Variants in CTNND2 observed in about 807,000 individuals in gnomAD.
CTNND2 encodes the protein catenin delta 2, also known as catenin delta-2.
In CTNND2, 22 loss-of-function variants were observed where a neutral mutation model predicts 144.4. That is an observed-to-expected ratio of 0.15 (90% confidence interval 0.11 to 0.22). CTNND2 has a LOEUF of 0.22. Among genes scored for constraint, CTNND2 ranks in the 10% least tolerant of loss-of-function variants. The pLI is 1.00. For missense variants in CTNND2, 1,353 were observed against 1,618.8 expected, an observed-to-expected ratio of 0.84 and a Z score of 2.82; for synonymous variants, 751 against 695.6, an observed-to-expected ratio of 1.08 and a Z score of -1.25.
chr5:11,520,252 C>T (rs1046216591), intron 3 of CTNND2, among the ~76,000 whole-genome samples: 1 of 152,102 alleles, frequency 6.6e-6, no homozygotes, highest in African/African-American at 2.4e-5. Flanking sequence ...CTGCATGCTG[C>T]ACCCCTCAGT....
chr5:11,821,502 C>A (rs987392036), intron 1 of CTNND2, among the ~76,000 whole-genome samples: 6 of 151,674 alleles, frequency 4.0e-5, no homozygotes, highest in Non-Finnish European at 8.8e-5. Flanking sequence ...AAATTTATTT[C>A]AAATCCTTCA....
chr5:11,588,689 G>T, intron 2 of CTNND2: 2 of 843,338 alleles, frequency 2.4e-6, no homozygotes, highest in Non-Finnish European at 2.9e-6. Context: ...CATAATGAAA[G>T]CATTGAAAAA....
Position 11,032,060 on chromosome 5 carries a change from C to T in CTNND2, c.2789-9081G>A, listed in dbSNP as rs1743534626. ...ACTTCCTTTCATATATACATATATC[C>T]TATTAGTTCTGTCCCTCTGGAGAAT... On this transcript the variant is annotated intron_variant, in intron 16 of 21. Coordinates refer to ENST00000304623, the MANE Select transcript of CTNND2 (RefSeq NM_001332.4). Among the ~76,000 whole-genome samples the T allele has an allele frequency of 2.0e-5, 3 of 152,204 alleles. No homozygotes were observed. The South Asian group carries it at 6.2e-4, about 31-fold the overall frequency.
chr5:11,557,508 C>G (rs191399812), intron 3 of CTNND2, among the ~76,000 whole-genome samples: 3 of 152,254 alleles, frequency 2.0e-5, no homozygotes, highest in East Asian at 1.9e-4. Flanking sequence ...GCCCACAAAG[C>G]CCCTCCGTCT....
At chr5:11,859,507 C>A (rs1215046174) in intron 1 of CTNND2, among the ~76,000 whole-genome samples, 4 of 151,832 alleles carry the variant, frequency 2.6e-5, no homozygotes, top group African/African-American at 9.7e-5. Flanking sequence ...TCATCTGGAC[C>A]CCCTATATGT....
intron 3 of CTNND2, among the ~76,000 whole-genome samples, chr5:11,483,259 T>C (rs1448249322): frequency 2.6e-5 from 4 of 152,138 alleles, no homozygotes; most frequent in Non-Finnish European, 5.9e-5. Context: ...GTTGAGCACC[T>C]GGAAGCATGG....
chr5:11,050,485 C>T (rs547051000), intron 16 of CTNND2, among the ~76,000 whole-genome samples: 3 of 152,280 alleles, frequency 2.0e-5, no homozygotes, highest in African/African-American at 7.2e-5. Flanking sequence ...AGTTTCATGA[C>T]AATTAACTAA....
At chr5:11,727,744 T>C (rs564220730) in intron 2 of CTNND2, among the ~76,000 whole-genome samples, 5 of 152,356 alleles carry the variant, frequency 3.3e-5, no homozygotes, top group Non-Finnish European at 7.3e-5. Context: ...TTCTGCTTTT[T>C]CTTGGATGAT....
chr5:11,457,578 C>T (rs1168401566), intron 3 of CTNND2, among the ~76,000 whole-genome samples: 1 of 152,136 alleles, frequency 6.6e-6, no homozygotes, highest in African/African-American at 2.4e-5. Flanking sequence ...TTTTCTACTT[C>T]ATCTTCTTAA....
chr5:11,403,176 T>C (rs763433037), intron 5 of CTNND2, among the ~76,000 whole-genome samples: 6 of 152,156 alleles, frequency 3.9e-5, no homozygotes, highest in Non-Finnish European at 7.4e-5. Flanking sequence ...ATGCATTAGA[T>C]ATATGTCCTG....
intron 2 of CTNND2, among the ~76,000 whole-genome samples, chr5:11,667,149 C>T (rs1783612375): frequency 6.6e-6 from 1 of 152,164 alleles, no homozygotes; most frequent in South Asian, 2.1e-4. Flanking sequence ...GCCACATTTT[C>T]TTTGTCCAGT....
chr5:11,121,382 G>A (rs1476793269), intron 12 of CTNND2, among the ~76,000 whole-genome samples: 2 of 152,042 alleles, frequency 1.3e-5, no homozygotes, highest in Non-Finnish European at 2.9e-5. Flanking sequence ...GTTAGAAATG[G>A]GTATGGAAAA....
intron 5 of CTNND2, among the ~76,000 whole-genome samples, chr5:11,406,492 T>G (rs1300952455): frequency 1.3e-5 from 2 of 152,208 alleles, no homozygotes; most frequent in African/African-American, 4.8e-5. Context: ...CTCTTCTGCA[T>G]CTTTTGGTGT....
At chr5:11,265,434 A>G (rs1745336181) in intron 9 of CTNND2, among the ~76,000 whole-genome samples, 1 of 152,172 alleles carries the variant, frequency 6.6e-6, no homozygotes, top group Non-Finnish European at 1.5e-5. Flanking sequence ...ATGTCCCACA[A>G]CACAAGCCCT....
At chr5:11,452,472 A>T (rs1367314237) in intron 3 of CTNND2, among the ~76,000 whole-genome samples, 1 of 152,230 alleles carries the variant, frequency 6.6e-6, no homozygotes, top group African/African-American at 2.4e-5. Flanking sequence ...AACAGGTGTA[A>T]AAGTGCTCCT....
At chr5:11,535,838 C>A (rs747483740) in intron 3 of CTNND2, among the ~76,000 whole-genome samples, 3 of 152,196 alleles carry the variant, frequency 2.0e-5, no homozygotes, top group Non-Finnish European at 4.4e-5. Context: ...CTACTTACAA[C>A]TAATCAGGTG....
chr5:11,081,092 AC>A (rs2149632176), intron 16 of CTNND2, among the ~76,000 whole-genome samples: 1 of 151,740 alleles, frequency 6.6e-6, no homozygotes, highest in South Asian at 2.1e-4. Context: ...ACACACACAC[AC>A]ACACACACAC....
At chr5:11,240,974 ACAT>A (rs1283774762) in intron 9 of CTNND2, among the ~76,000 whole-genome samples, 1 of 141,458 alleles carries the variant, frequency 7.1e-6, no homozygotes, top group Non-Finnish European at 1.5e-5. Context: ...ATATACACCC[ACAT>A]CATGCACACA....
At chr5:11,078,121 T>C (rs1195554895) in intron 16 of CTNND2, among the ~76,000 whole-genome samples, 1 of 152,164 alleles carries the variant, frequency 6.6e-6, no homozygotes, top group East Asian at 1.9e-4. Flanking sequence ...TTCAATGCCA[T>C]GAAACCATAT....
Sources: allele counts gnomAD v4.1 joint callset (sites outside exome capture counted in the v4.1 genomes callset), GRCh38; gene constraint gnomAD v4.1.1; transcripts MANE v1.5; gene names NCBI Gene and HGNC (gene_info 2026-07-23, HGNC 2026-07-21).